PHLPP1: variants seen among roughly 807,000 people sequenced by gnomAD.
PHLPP1 encodes PH domain and leucine rich repeat protein phosphatase 1, also known as PH domain leucine-rich repeat-containing protein phosphatase 1.
A neutral mutation model predicts 117.2 loss-of-function variants in PHLPP1; 42 were observed. The ratio of observed to expected loss-of-function variants is 0.36; its 90% CI spans 0.28 to 0.46. The LOEUF is 0.46. Among genes scored for constraint, PHLPP1 ranks in the 20% least tolerant of loss-of-function variants. The pLI is 1.00. For synonymous variants in PHLPP1, 1,042 were observed against 970.7 expected (o/e 1.07, Z -1.37); for missense variants, 2,084 against 2,241.9 (o/e 0.93, Z 1.42).
chr18:62,873,752 A>G (rs1447380390), intron 4 of PHLPP1, among the ~76,000 whole-genome samples: 1 of 152,240 alleles, frequency 6.6e-6, no homozygotes, highest in Non-Finnish European at 1.5e-5. Context: ...CAGTTTTACC[A>G]TAGGTTAATT....
chr18:62,791,257 G>A (rs1334308476), intron 1 of PHLPP1, among the ~76,000 whole-genome samples: 2 of 152,128 alleles, frequency 1.3e-5, no homozygotes, highest in East Asian at 1.9e-4. Context: ...CAAAAAGTCA[G>A]TAATGAGACT....
At chr18:62,756,745 G>T (rs1453014141) in intron 1 of PHLPP1, among the ~76,000 whole-genome samples, 1 of 152,154 alleles carries the variant, frequency 6.6e-6, no homozygotes, top group Non-Finnish European at 1.5e-5. Flanking sequence ...ACGTATCAGT[G>T]GGAGGAATTG....
intron 6 of PHLPP1, among the ~76,000 whole-genome samples, chr18:62,898,767 A>T (rs1458579944): frequency 3.3e-5 from 5 of 151,980 alleles, no homozygotes; most frequent in Non-Finnish European, 7.4e-5. Flanking sequence ...TGTACAGGGA[A>T]TCAACTAGTT....
chr18:62,947,782 C>T (rs1410481564), intron 12 of PHLPP1, among the ~76,000 whole-genome samples: 1 of 152,130 alleles, frequency 6.6e-6, no homozygotes, highest in Non-Finnish European at 1.5e-5. Flanking sequence ...AATCCCAGCA[C>T]TTTGGGAGGC....
At chr18:62,832,248 G>A (rs192068540) in intron 2 of PHLPP1, 8 of 152,350 alleles carry the variant, frequency 5.3e-5, no homozygotes, top group African/African-American at 1.7e-4. Flanking sequence ...AGATGAAGTA[G>A]GCACAATGAT....
intron 1 of PHLPP1, among the ~76,000 whole-genome samples, chr18:62,719,527 G>A (rs1192494283): frequency 6.6e-6 from 1 of 152,188 alleles, no homozygotes; most frequent in African/African-American, 2.4e-5. Flanking sequence ...AATGATCTCT[G>A]TGTTCCAACA....
chr18:62,753,359 CTT>C (rs1911917269), intron 1 of PHLPP1, among the ~76,000 whole-genome samples: 1 of 152,138 alleles, frequency 6.6e-6, no homozygotes, highest in Non-Finnish European at 1.5e-5. Flanking sequence ...CTTAAGAAGA[CTT>C]TTACAATATG....
rs376362287 is a variant in PHLPP1, at chr18:62,975,544, G to A, written c.3903G>A (p.Pro1301=). ...CAGTTCTCTGTCGAAATGGAAAGCCGCTGCCTCTGTCCAGATCTTACATCA... is the reference window on the plus strand; with the variant it reads ...CAGTTCTCTGTCGAAATGGAAAGCCACTGCCTCTGTCCAGATCTTACATCA... ...CQTVLCRNGK[P]LPLSRSYIMS... Residue 1301 remains proline (P), a synonymous_variant, in exon 16 of 17, where the codon CCG becomes CCA. Transcript: ENST00000262719. 16 of 1,613,788 alleles carry A rather than the reference G, an allele frequency of 9.9e-6. No homozygotes were observed. The highest frequency in any genetic ancestry group is 8.0e-5 in the African/African-American group (6 of 74,924).
chr18:62,863,376 A>G (rs1214503502), intron 4 of PHLPP1, among the ~76,000 whole-genome samples: 3 of 151,784 alleles, frequency 2.0e-5, no homozygotes, highest in Admixed American at 6.6e-5. Context: ...GCTAGAATTT[A>G]TATTTTTAGT....
chr18:62,871,896 C>T (rs1187386750), intron 4 of PHLPP1, among the ~76,000 whole-genome samples: 10 of 152,114 alleles, frequency 6.6e-5, no homozygotes, highest in Non-Finnish European at 1.2e-4. Context: ...CCGCCTGCCT[C>T]GGCCTCCCAA....
chr18:62,923,010 G>A lies in PHLPP1; in HGVS notation c.2960+2896G>A, dbSNP rs145065807. Among the ~76,000 whole-genome samples, 455 of 152,320 alleles carry A rather than the reference G, an allele frequency of 3.0e-3. 1 individual carries two copies. Among genetic ancestry groups the A allele is most frequent in the Middle Eastern group, 6.8e-3 (2 of 294 alleles). On this transcript the variant is annotated intron_variant, in intron 10 of 16. Transcript: ENST00000262719. ...AAACGGTACCTGTATGTTGGAAAAG[G>A]AAGGATTGTGTGAACTGGAACGTGA...
chr18:62,926,572 A>G (rs1034270465), intron 10 of PHLPP1, among the ~76,000 whole-genome samples: 3 of 152,098 alleles, frequency 2.0e-5, no homozygotes, highest in African/African-American at 4.8e-5. Context: ...AAACCATGAA[A>G]ATGCATTAGG....
intron 10 of PHLPP1, among the ~76,000 whole-genome samples, chr18:62,934,962 G>A (rs1909927704): frequency 6.6e-6 from 1 of 152,088 alleles, no homozygotes; most frequent in Non-Finnish European, 1.5e-5. Context: ...TTTCTACTAA[G>A]ATCAGTAACA....
intron 1 of PHLPP1, among the ~76,000 whole-genome samples, chr18:62,782,873 C>T (rs574539424): frequency 1.3e-5 from 2 of 152,116 alleles, no homozygotes; most frequent in Non-Finnish European, 2.9e-5. Flanking sequence ...CGGGGCAAAG[C>T]GCTATTTGTT....
intron 1 of PHLPP1, among the ~76,000 whole-genome samples, chr18:62,761,564 CG>C (rs1333638142): frequency 1.3e-5 from 2 of 151,638 alleles, no homozygotes; most frequent in Non-Finnish European, 2.9e-5. Flanking sequence ...ACCCAGGAGG[CG>C]GAGCTTGCAG....
chr18:62,972,787 T>G, intron 15 of PHLPP1, 79 bp downstream of exon 15: 1 of 1,071,560 alleles, frequency 9.3e-7, no homozygotes, highest in Non-Finnish European at 1.4e-6. Flanking sequence ...GAAAAGCAGG[T>G]GCCCAATGGT....
chr18:62,973,461 G>A (rs997222171), intron 15 of PHLPP1, among the ~76,000 whole-genome samples: 5 of 152,238 alleles, frequency 3.3e-5, no homozygotes, highest in African/African-American at 1.2e-4. Flanking sequence ...GGACCCAGGA[G>A]TGATGAATGT....
At position 62,881,773 on chromosome 18, in the gene PHLPP1, G is replaced by A. The variant is rs187583231; in HGVS notation, c.2067-13238G>A. 2.0e-5 allele frequency among the ~76,000 whole-genome samples: 3 copies of A among 152,332 alleles called. No individual in the cohort carries two copies. In the East Asian group the frequency reaches 5.8e-4, roughly 29 times the overall value. On this transcript the variant is annotated intron_variant, in intron 4 of 16. Coordinates refer to ENST00000262719, the MANE Select transcript of PHLPP1 (RefSeq NM_194449.4). Reference sequence around the variant, plus strand: ...CGTAAGTTCATGTGGATTCATTTTAGAAGTCATATAGGGACGACAGGAAAA... The same window carrying A: ...CGTAAGTTCATGTGGATTCATTTTAAAAGTCATATAGGGACGACAGGAAAA...
At chr18:62,813,001 C>T (rs1914166820) in intron 1 of PHLPP1, among the ~76,000 whole-genome samples, 1 of 152,058 alleles carries the variant, frequency 6.6e-6, no homozygotes, top group African/African-American at 2.4e-5. Flanking sequence ...CTTGAGAATG[C>T]TGAAAGGACT....
Sources: allele counts gnomAD v4.1 joint callset (sites outside exome capture counted in the v4.1 genomes callset), GRCh38; gene constraint gnomAD v4.1.1; transcripts MANE v1.5; gene names NCBI Gene and HGNC (gene_info 2026-07-23, HGNC 2026-07-21).